Variants in MED12L observed in about 807,000 individuals in gnomAD.
The protein encoded by MED12L is mediator complex subunit 12L, also known as mediator of RNA polymerase II transcription subunit 12-like protein.
In MED12L, 60 loss-of-function variants were observed where a neutral mutation model predicts 281.3. The ratio of observed to expected loss-of-function variants is 0.21; its 90% CI spans 0.17 to 0.26. The LOEUF is 0.26. Among genes scored for constraint, MED12L ranks in the 10% least tolerant of loss-of-function variants. The pLI is 1.00. For synonymous variants in MED12L, 974 were observed against 987.2 expected (o/e 0.99, Z 0.25); for missense variants, 2,146 against 2,680.9 (o/e 0.80, Z 4.41).
At chr3:151,273,400 G>GT (rs1167031698) in intron 16 of MED12L, among the ~76,000 whole-genome samples, 242 of 73,100 alleles carry the variant, frequency 3.3e-3, no homozygotes, top group Admixed American at 5.2e-3. Flanking sequence ...GCTAATTTTT[G>GT]TATTTTTTTT....
chr3:151,230,422 C>A (rs1339971442), intron 16 of MED12L, among the ~76,000 whole-genome samples: 1 of 152,176 alleles, frequency 6.6e-6, no homozygotes, highest in African/African-American at 2.4e-5. Context: ...TGTTAGATGC[C>A]ATTTCATTAT....
intron 31 of MED12L, 114 bp downstream of exon 31, chr3:151,378,287 A>C: frequency 4.5e-6 from 5 of 1,099,210 alleles, no homozygotes; most frequent in Non-Finnish European, 6.1e-6. Context: ...TTTAGTTTTT[A>C]AATGGAACTG....
intron 16 of MED12L, among the ~76,000 whole-genome samples, chr3:151,334,435 T>C (rs777231873): frequency 2.4e-4 from 37 of 151,982 alleles, no homozygotes; most frequent in Non-Finnish European, 5.0e-4. Context: ...GTTTTTTTTT[T>C]TGTAAAAGGT....
chr3:151,252,996 TTAAAA>T (rs1294708166), intron 16 of MED12L, among the ~76,000 whole-genome samples: 1 of 152,212 alleles, frequency 6.6e-6, no homozygotes, highest in Non-Finnish European at 1.5e-5. Context: ...GAACTTGCCC[TTAAAA>T]TAAATATTAC....
intron 16 of MED12L, among the ~76,000 whole-genome samples, chr3:151,278,843 C>A (rs970632147): frequency 1.7e-4 from 26 of 152,172 alleles, no homozygotes; most frequent in African/African-American, 6.3e-4. Context: ...TATTTTGACA[C>A]CAATGTCGAC....
rs1719773369 is a variant in MED12L at position 151,159,995 on chromosome 3, C to G, written c.1001C>G (p.Pro334Arg). 1 of 1,614,238 alleles carries G rather than the reference C, an allele frequency of 6.2e-7. No homozygotes were observed. Among genetic ancestry groups the G allele is most frequent in the Non-Finnish European group, 8.5e-7 (1 of 1,180,030 alleles). Residue 334 changes from proline to arginine, a missense_variant, in exon 8 of 45, where the codon CCT becomes CGT. Physicochemically the swap from Pro to Arg is moderately radical, Grantham distance 103. This residue lies in a region of MED12L where 722 missense variants were observed against 861.2 expected (regional missense o/e 0.84). Transcript: ENST00000687756. The stretch of plus-strand genomic sequence containing the variant: ...AACTCGAGTATCGGGGCCCCCAGCC[C>G]TGGCCCCCCCGGCCCTGGCATGAGC... The part of the protein sequence containing the change: ...PNNSSIGAPS[P>R]GPPGPGMSPV...
At chr3:151,397,806 G>T (rs1715176994) in intron 39 of MED12L, among the ~76,000 whole-genome samples, 3 of 152,186 alleles carry the variant, frequency 2.0e-5, no homozygotes. Flanking sequence ...GTAGAGAAAA[G>T]TAAGTAGATA....
intron 16 of MED12L, among the ~76,000 whole-genome samples, chr3:151,217,558 A>G (rs1038740721): frequency 2.6e-5 from 4 of 152,152 alleles, no homozygotes; most frequent in African/African-American, 7.2e-5. Flanking sequence ...AAACACTGCT[A>G]TTTTGGCAGT....
intron 16 of MED12L, among the ~76,000 whole-genome samples, chr3:151,208,336 A>G (rs1169904804): frequency 6.6e-6 from 1 of 152,198 alleles, no homozygotes; most frequent in East Asian, 1.9e-4. Flanking sequence ...AAAGTACAAC[A>G]TAACTAACAG....
intron 16 of MED12L, among the ~76,000 whole-genome samples, chr3:151,242,873 A>G (rs1390100959): frequency 6.7e-6 from 1 of 149,022 alleles, no homozygotes; most frequent in African/African-American, 2.5e-5. Context: ...TTTGAAAAAA[A>G]TTTAGAAGAA....
chr3:151,327,876 G>A, intron 16 of MED12L: 1 of 744,910 alleles, frequency 1.3e-6, no homozygotes, highest in East Asian at 2.6e-5. Context: ...TGTACACGAG[G>A]ATAATAAAAT....
chr3:151,182,639 G>A (rs1166003457), intron 11 of MED12L, among the ~76,000 whole-genome samples: 1 of 152,100 alleles, frequency 6.6e-6, no homozygotes, highest in Non-Finnish European at 1.5e-5. Context: ...ATGTCTGAGG[G>A]GCTCAAACTG....
chr3:151,256,012 G>T (rs1236278490), intron 16 of MED12L, among the ~76,000 whole-genome samples: 3 of 152,152 alleles, frequency 2.0e-5, no homozygotes, highest in Admixed American at 2.0e-4. Context: ...TTTTTACTAT[G>T]ACAGGCTAAT....
Position 151,122,944 on chromosome 3 carries a change from A to G in MED12L, c.366A>G (p.Gly122=). 14 of 1,607,862 alleles carry G rather than the reference A, an allele frequency of 8.7e-6. No homozygotes were observed. The highest frequency in any genetic ancestry group is 1.2e-5 in the Non-Finnish European group (14 of 1,177,808). Residue 122 remains glycine (G), a synonymous_variant, in exon 4 of 45, where the codon GGA becomes GGG. Transcript: ENST00000687756. ...ATAGTTGGTTTTCTGACTTAGCAGG[A>G]AATAAGCCACTTTCTATTTTGGCAA... ...AIHSWFSDLA[G]NKPLSILAKK...
intron 5 of MED12L, among the ~76,000 whole-genome samples, chr3:151,149,897 C>G (rs575419540): frequency 6.6e-6 from 1 of 152,326 alleles, no homozygotes; most frequent in South Asian, 2.1e-4. Flanking sequence ...GAGGTTGCAG[C>G]AATTCAGTCC....
intron 16 of MED12L, among the ~76,000 whole-genome samples, chr3:151,244,674 C>T (rs1439453503): frequency 6.7e-6 from 1 of 150,196 alleles, no homozygotes; most frequent in Non-Finnish European, 1.5e-5. Flanking sequence ...AGGAAAGATC[C>T]AAAATTGACA....
rs1452411125 is a variant in MED12L at position 151,190,822 on chromosome 3, C to A, written c.1859C>A (p.Thr620Asn). 4 of 1,614,038 alleles carry A rather than the reference C, an allele frequency of 2.5e-6. No homozygotes were observed. Among genetic ancestry groups the A allele is most frequent in the African/African-American group, 2.7e-5 (2 of 74,918 alleles). Residue 620 changes from threonine (T) to asparagine (N), a missense_variant, in exon 14 of 45, where the codon ACC (threonine) becomes AAC (asparagine). Coordinates refer to ENST00000687756, the MANE Select transcript of MED12L (RefSeq NM_001393769.1). ...TTCTCCCATGACGCATACATGTGTA[C>A]CCTCATATCTCGAGGAGATTTGTCA... ...DVFSHDAYMC[T>N]LISRGDLSVT...
chr3:151,227,645 C>A (rs1730803679), intron 16 of MED12L, among the ~76,000 whole-genome samples: 1 of 152,150 alleles, frequency 6.6e-6, no homozygotes, highest in African/African-American at 2.4e-5. Context: ...CACCTCATGA[C>A]CTCCAATGGA....
rs56792030 is a variant in MED12L at position 151,380,597 on chromosome 3, CAAA to C, written c.4590+389_4590+391del. On this transcript the variant is annotated intron_variant, in intron 32 of 44. Coordinates refer to ENST00000687756, the MANE Select transcript of MED12L (RefSeq NM_001393769.1). ...GGGAAACAATAGTGAAACTCTGTCT[CAAA>C]AAAAAAAAAAAAAAACAACTAGTAA... Among the ~76,000 whole-genome samples the C allele has an allele frequency of 2.5e-3, 278 of 113,260 alleles. 2 individuals are homozygous for C. Among genetic ancestry groups the C allele is most frequent in the African/African-American group, 6.8e-3 (208 of 30,526 alleles). 74.3% of individuals were successfully genotyped at this position (113,260 alleles called of 152,430 possible).
Sources: gnomAD v4.1 joint callset for allele counts (sites outside exome capture counted in the v4.1 genomes callset) on GRCh38, gnomAD v4.1.1 for gene constraint, gnomAD v4.1.1 regional missense constraint, MANE v1.5 for transcripts, NCBI Gene and HGNC (gene_info 2026-07-23, HGNC 2026-07-21) for gene names.